MGMT: variants seen among roughly 807,000 people sequenced by gnomAD.
MGMT encodes the protein O-6-methylguanine-DNA methyltransferase, also known as methylated-DNA--protein-cysteine methyltransferase.
Under a neutral mutation model 15.9 loss-of-function variants are expected in MGMT, and 14 were observed. That is an observed-to-expected ratio of 0.88 (90% confidence interval 0.58 to 1.37). MGMT has a LOEUF of 1.37. MGMT is among the 40% of genes most tolerant of loss of function. The pLI is 0.00. For synonymous variants in MGMT, 130 were observed against 118.2 expected (o/e 1.10, Z -0.65); for missense variants, 282 against 268.1 (o/e 1.05, Z -0.36).
At chr10:129,597,173 G>A (rs1473732745) in intron 2 of MGMT, among the ~76,000 whole-genome samples, 1 of 152,182 alleles carries the variant, frequency 6.6e-6, no homozygotes, top group African/African-American at 2.4e-5. Flanking sequence ...GGAAGTTCAC[G>A]TCCCAGGGTA....
intron 2 of MGMT, among the ~76,000 whole-genome samples, chr10:129,658,460 C>T (rs747213191): frequency 1.3e-5 from 2 of 152,160 alleles, no homozygotes; most frequent in East Asian, 3.8e-4. Context: ...TTCTTAGAGA[C>T]TTATTTGATT....
At chr10:129,503,836 T>A (rs1160250060) in intron 1 of MGMT, among the ~76,000 whole-genome samples, 1 of 152,242 alleles carries the variant, frequency 6.6e-6, no homozygotes, top group South Asian at 2.1e-4. Flanking sequence ...TGTTACAGAC[T>A]TTTTCCTCCT....
At chr10:129,570,334 GGTGCTTACA>G (rs1189466091) in intron 2 of MGMT, among the ~76,000 whole-genome samples, 1 of 152,258 alleles carries the variant, frequency 6.6e-6, no homozygotes, top group Non-Finnish European at 1.5e-5. Context: ...GGTTCCACCC[GGTGCTTACA>G]GGTCACGAGT....
intron 2 of MGMT, among the ~76,000 whole-genome samples, chr10:129,702,911 C>T (rs897540388): frequency 3.3e-5 from 5 of 152,292 alleles, no homozygotes; most frequent in South Asian, 2.1e-4. Flanking sequence ...CCGTGATAAG[C>T]GCCGCCGTGA....
intron 4 of MGMT, 23 bp downstream of exon 4, chr10:129,759,364 T>C (rs1254665490): frequency 1.2e-6 from 2 of 1,613,702 alleles, no homozygotes; most frequent in South Asian, 2.2e-5. Flanking sequence ...GGCGCAAGCA[T>C]GGCTGTGGGT....
At chr10:129,732,233 C>A (rs1375341655) in intron 3 of MGMT, among the ~76,000 whole-genome samples, 1 of 152,050 alleles carries the variant, frequency 6.6e-6, no homozygotes, top group Admixed American at 6.6e-5. Flanking sequence ...TATACATGTG[C>A]TATGTTGGTG....
intron 2 of MGMT, among the ~76,000 whole-genome samples, chr10:129,568,109 G>C (rs1399674668): frequency 6.6e-6 from 1 of 152,242 alleles, no homozygotes; most frequent in Non-Finnish European, 1.5e-5. Flanking sequence ...AGTCAGGAAT[G>C]GGCCGAGACA....
intron 2 of MGMT, among the ~76,000 whole-genome samples, chr10:129,604,471 C>T (rs1367798670): frequency 1.3e-5 from 2 of 152,238 alleles, no homozygotes; most frequent in African/African-American, 2.4e-5. Flanking sequence ...GTCGTGAAAA[C>T]GTGCTTTCTC....
intron 3 of MGMT, among the ~76,000 whole-genome samples, chr10:129,750,582 A>G (rs1248848190): frequency 1.3e-5 from 2 of 152,114 alleles, no homozygotes; most frequent in Non-Finnish European, 2.9e-5. Flanking sequence ...TATAACAGCT[A>G]TTTACATAGC....
intron 2 of MGMT, among the ~76,000 whole-genome samples, chr10:129,660,183 A>G (rs890722777): frequency 2.0e-5 from 3 of 151,708 alleles, no homozygotes; most frequent in Admixed American, 6.6e-5. Context: ...GTTTCTGAGC[A>G]CTCATTTATT....
At chr10:129,470,524 C>A (rs1340127932) in intron 1 of MGMT, among the ~76,000 whole-genome samples, 1 of 152,186 alleles carries the variant, frequency 6.6e-6, no homozygotes, top group East Asian at 1.9e-4. Context: ...AGGAAGAAAT[C>A]ATTTTTGTGA....
rs1846369381 is a variant in MGMT, at chr10:129,567,450, C to T, written c.125+31073C>T. Among the ~76,000 whole-genome samples, 3 of 152,112 alleles carry T rather than the reference C, an allele frequency of 2.0e-5. No homozygotes were observed. In the South Asian group the frequency reaches 6.2e-4, roughly 32 times the overall value. ...AGTGCCACTGAGCATCCTGGAAACC[C>T]TGGGAGGGGTCCCGGCGAGAAAGAG... On this transcript the variant is annotated intron_variant, in intron 2 of 4. Transcript: ENST00000651593.
chr10:129,684,340 T>C (rs1269245808), intron 2 of MGMT, among the ~76,000 whole-genome samples: 1 of 152,188 alleles, frequency 6.6e-6, no homozygotes, highest in African/African-American at 2.4e-5. Flanking sequence ...TACGAATTAG[T>C]TCCACATTAA....
At chr10:129,490,800 A>T (rs1845461742) in intron 1 of MGMT, among the ~76,000 whole-genome samples, 1 of 152,118 alleles carries the variant, frequency 6.6e-6, no homozygotes, top group Non-Finnish European at 1.5e-5. Flanking sequence ...CTTTATGATT[A>T]ATAGTTTTTA....
chr10:129,606,815 C>T (rs1432776597), intron 2 of MGMT, among the ~76,000 whole-genome samples: 17 of 152,188 alleles, frequency 1.1e-4, no homozygotes, highest in Admixed American at 1.1e-3. Flanking sequence ...TATTGAGTCA[C>T]TTTGACTGTA....
intron 2 of MGMT, among the ~76,000 whole-genome samples, chr10:129,579,647 C>G (rs1176332870): frequency 6.6e-6 from 1 of 152,222 alleles, no homozygotes; most frequent in Non-Finnish European, 1.5e-5. Context: ...ATGGAACGAG[C>G]ATGGCTCATA....
intron 2 of MGMT, among the ~76,000 whole-genome samples, chr10:129,633,546 ATTAC>A (rs970911420): frequency 1.3e-5 from 2 of 152,184 alleles, no homozygotes; most frequent in African/African-American, 4.8e-5. Flanking sequence ...GTATAGTTAT[ATTAC>A]TTTTTAAAAC....
rs541075680 is a variant in MGMT, at chr10:129,594,889, C to T, written c.125+58512C>T. Among the ~76,000 whole-genome samples, 8 of 152,306 alleles carry T rather than the reference C, an allele frequency of 5.3e-5. No individual in the cohort carries two copies. In the South Asian group the frequency reaches 8.3e-4, roughly 16 times the overall value. On this transcript the variant is annotated intron_variant, in intron 2 of 4. Transcript: ENST00000651593. ...GAGTTACACACATCCAGGTGACCTTCGGACCAGCATTGCCGGCACACCCGT... is the reference window on the plus strand; with the variant it reads ...GAGTTACACACATCCAGGTGACCTTTGGACCAGCATTGCCGGCACACCCGT...
intron 3 of MGMT, among the ~76,000 whole-genome samples, chr10:129,745,965 G>A (rs556209892): frequency 4.1e-4 from 62 of 152,102 alleles, no homozygotes; most frequent in African/African-American, 1.3e-3. Flanking sequence ...AGCCGGGTGC[G>A]GAAGCTCATG....
Sources: gnomAD v4.1 joint callset for allele counts (sites outside exome capture counted in the v4.1 genomes callset) on GRCh38, gnomAD v4.1.1 for gene constraint, MANE v1.5 for transcripts, NCBI Gene and HGNC (gene_info 2026-07-23, HGNC 2026-07-21) for gene names.